Variants in PCNX2 observed in about 807,000 individuals in gnomAD.
The protein encoded by PCNX2 is pecanex-like protein 2.
Under a neutral mutation model 223.8 loss-of-function variants are expected in PCNX2, and 168 were observed. That is an observed-to-expected ratio of 0.75 (90% confidence interval 0.66 to 0.85). The LOEUF is 0.85. Among genes scored for constraint, PCNX2 ranks in the 40% least tolerant of loss-of-function variants. The pLI is 0.00. For missense variants in PCNX2, 2,507 were observed against 2,675.5 expected (o/e 0.94, Z 1.39); for synonymous variants, 1,006 against 1,052.6 (o/e 0.96, Z 0.86).
chr1:233,072,123 G>T (rs2102905348), intron 23 of PCNX2, among the ~76,000 whole-genome samples: 1 of 152,212 alleles, frequency 6.6e-6, no homozygotes. Flanking sequence ...AGTTTCTTTT[G>T]CTGTGCAGAA....
intron 33 of PCNX2, chr1:232,984,914 G>A (rs1024722479): frequency 3.2e-5 from 5 of 155,550 alleles, no homozygotes; most frequent in African/African-American, 1.2e-4. Flanking sequence ...TTGGAGAGCA[G>A]GAAGGAGAAT....
At chr1:233,187,684 C>A (rs1211915875) in intron 15 of PCNX2, among the ~76,000 whole-genome samples, 1 of 152,154 alleles carries the variant, frequency 6.6e-6, no homozygotes, top group African/African-American at 2.4e-5. Context: ...TCATAATAAT[C>A]CAGCAGTAAC....
At chr1:233,302,210 G>C in the PCNX2 span, among the ~76,000 whole-genome samples, 5 of 152,134 alleles carry the variant, frequency 3.3e-5, 1 homozygote, top group Non-Finnish European at 7.4e-5. Flanking sequence ...GATAAATTTT[G>C]AATGTAATAT....
At chr1:233,256,976 A>G (rs1356502027) in intron 5 of PCNX2, among the ~76,000 whole-genome samples, 1 of 152,214 alleles carries the variant, frequency 6.6e-6, no homozygotes, top group Non-Finnish European at 1.5e-5. Context: ...ACTTTCAGTC[A>G]GCATTCCTAC....
the PCNX2 span, among the ~76,000 whole-genome samples, chr1:233,318,880 C>G: frequency 1.3e-5 from 2 of 152,200 alleles, no homozygotes; most frequent in Admixed American, 1.3e-4. Context: ...ATTCCCATCC[C>G]TTTTCACTTA....
intron 26 of PCNX2, among the ~76,000 whole-genome samples, chr1:233,020,113 G>A (rs1170893434): frequency 6.6e-6 from 1 of 152,154 alleles, no homozygotes; most frequent in Non-Finnish European, 1.5e-5. Flanking sequence ...CCCCACAACC[G>A]ATGAAGTCAG....
intron 18 of PCNX2, 110 bp from the exon 19 acceptor site, chr1:233,160,543 T>C: frequency 2.5e-6 from 3 of 1,221,466 alleles, no homozygotes; most frequent in African/African-American, 1.5e-5. Flanking sequence ...TCTTAACGGA[T>C]AGCCAGACTC....
At chr1:233,283,132 GC>G (rs35139270) in intron 1 of PCNX2, among the ~76,000 whole-genome samples, 92,864 of 151,818 alleles carry the variant, frequency 0.61, 29,306 homozygotes, top group East Asian at 0.82. Context: ...TTAGGACTGA[GC>G]AAATGATATT....
At chr1:233,307,013 G>A in the PCNX2 span, among the ~76,000 whole-genome samples, 5 of 152,134 alleles carry the variant, frequency 3.3e-5, no homozygotes, top group African/African-American at 1.2e-4. Flanking sequence ...AAAATTTGAA[G>A]ATAAAGAATC....
At chr1:233,011,465 C>T (rs1381935860) in intron 28 of PCNX2, among the ~76,000 whole-genome samples, 3 of 152,184 alleles carry the variant, frequency 2.0e-5, no homozygotes, top group South Asian at 2.1e-4. Context: ...TTTTAAGTTC[C>T]GTGGTACATG....
At chr1:233,305,621 A>AT in the PCNX2 span, among the ~76,000 whole-genome samples, 1 of 151,990 alleles carries the variant, frequency 6.6e-6, no homozygotes, top group Non-Finnish European at 1.5e-5. Context: ...AATTTTTATA[A>AT]TTTTTATATT....
At chr1:233,134,953 A>G in intron 21 of PCNX2, 60 bp downstream of exon 21, 2 of 1,379,892 alleles carry the variant, frequency 1.4e-6, no homozygotes, top group Non-Finnish European at 2.0e-6. Flanking sequence ...CTCTTAAAAC[A>G]TTTGATAAGA....
chr1:233,241,187 T>A, intron 8 of PCNX2: 1 of 985,408 alleles, frequency 1.0e-6, no homozygotes, highest in Non-Finnish European at 1.2e-6. Flanking sequence ...TATGTGACAG[T>A]AAAATTTGTG....
At chr1:233,217,807 A>G in intron 12 of PCNX2, 92 bp downstream of exon 12, 1 of 1,390,408 alleles carries the variant, frequency 7.2e-7, no homozygotes, top group Non-Finnish European at 1.0e-6. Context: ...AGAGCTAGGT[A>G]CAGACTTGGC....
intron 8 of PCNX2, among the ~76,000 whole-genome samples, chr1:233,244,239 C>G (rs933915459): frequency 3.9e-5 from 6 of 152,136 alleles, no homozygotes; most frequent in Non-Finnish European, 1.5e-5. Context: ...TAACGTCAAA[C>G]AAAAAGTAAA....
intron 21 of PCNX2, among the ~76,000 whole-genome samples, chr1:233,098,148 A>C (rs1332590336): frequency 6.6e-6 from 1 of 152,232 alleles, no homozygotes; most frequent in Non-Finnish European, 1.5e-5. Context: ...ATGCCCTAAA[A>C]AATGAATCAT....
At position 233,045,000 on chromosome 1, in the gene PCNX2, A is replaced by G. The variant is rs114176650; in HGVS notation, c.4351+9268T>C. Among the ~76,000 whole-genome samples the G allele has an allele frequency of 5.9e-3, 901 of 152,264 alleles. 10 individuals carry two copies. The highest frequency in any genetic ancestry group is 0.02 in the African/African-American group (812 of 41,550). ...TATTCTTGATATAGAATTTGTATCA[A>G]TCATTCATTATGGTACCAGACAACA... On this transcript the variant is annotated intron_variant, in intron 25 of 33. Transcript: ENST00000258229.
intron 25 of PCNX2, among the ~76,000 whole-genome samples, chr1:233,039,759 G>A (rs1014315254): frequency 1.3e-5 from 2 of 152,214 alleles, no homozygotes; most frequent in African/African-American, 4.8e-5. Context: ...ATTATTTATT[G>A]TGTTGTTATC....
intron 19 of PCNX2, among the ~76,000 whole-genome samples, chr1:233,141,198 T>C (rs1008787338): frequency 1.3e-5 from 2 of 152,198 alleles, no homozygotes; most frequent in African/African-American, 4.8e-5. Flanking sequence ...AGCATACAAA[T>C]TGTCTGTTTC....
Sources: allele counts gnomAD v4.1 joint callset (sites outside exome capture counted in the v4.1 genomes callset), GRCh38; gene constraint gnomAD v4.1.1; transcripts MANE v1.5; gene names NCBI Gene and HGNC (gene_info 2026-07-23, HGNC 2026-07-21).